AP3B1: variants seen among roughly 807,000 people sequenced by gnomAD.
The protein encoded by AP3B1 is adaptor related protein complex 3 subunit beta 1, also known as AP-3 complex subunit beta-1.
A neutral mutation model predicts 132.5 loss-of-function variants in AP3B1; 61 were observed. The observed-to-expected ratio is 0.46, with a 90% CI of 0.37 to 0.57. AP3B1 has a LOEUF of 0.57. Ranked by LOEUF, AP3B1 falls within the 20% of genes least tolerant of loss-of-function variation. The probability of loss-of-function intolerance (pLI) is 0.00; values close to 1 mark genes in which losing one functional copy is unlikely to be tolerated. For synonymous variants in AP3B1, 388 were observed against 438.3 expected (o/e 0.89, Z 1.43); for missense variants, 1,120 against 1,289.4 (o/e 0.87, Z 2.01).
rs989736183 is a variant in AP3B1, at chr5:78,181,628, T to C, written c.821A>G (p.Tyr274Cys). 12 of 1,612,272 alleles carry C rather than the reference T, an allele frequency of 7.4e-6. No individual in the cohort carries two copies. Among genetic ancestry groups the C allele is most frequent in the Admixed American group, 3.3e-5 (2 of 59,868 alleles). The change falls in exon 8 of 27, where the codon TAC becomes TGC. Residue 274 changes from tyrosine (Y) to cysteine (C), a missense_variant. Tyr to Cys is a radical substitution (Grantham distance 194). This residue lies in a region of AP3B1 where 906 missense variants were observed against 997.1 expected (regional missense o/e 0.91). Coordinates refer to ENST00000255194, the MANE Select transcript of AP3B1 (RefSeq NM_003664.5). ...TTCCTTCTGATCATCATCAGATTCG[T>C]AGAAATTCTTTCCATTGTCTTCTAA... is the stretch of plus-strand genomic sequence containing the variant. ...DELEDNGKNF[Y>C]ESDDDQKEKT... is the part of the protein sequence containing the mutation.
chr5:78,198,119 T>C (rs1206264804), intron 7 of AP3B1, among the ~76,000 whole-genome samples: 11 of 152,090 alleles, frequency 7.2e-5, no homozygotes, highest in Non-Finnish European at 1.5e-4. Flanking sequence ...GCATTTAGAG[T>C]AGTCACATAA....
At chr5:78,092,048 A>G (rs16875106) in intron 21 of AP3B1, among the ~76,000 whole-genome samples, 5,286 of 152,340 alleles carry the variant, frequency 0.035, 194 homozygotes, top group East Asian at 0.14. Flanking sequence ...TTGGATCATA[A>G]TATGTTGCCT....
chr5:78,130,628 T>A (rs1752645565), intron 15 of AP3B1, among the ~76,000 whole-genome samples: 1 of 152,072 alleles, frequency 6.6e-6, no homozygotes, highest in Non-Finnish European at 1.5e-5. Flanking sequence ...ATTCATTTTT[T>A]AAGACAATTT....
chr5:78,034,668 G>T (rs1402921243), intron 23 of AP3B1, among the ~76,000 whole-genome samples: 2 of 151,852 alleles, frequency 1.3e-5, no homozygotes, highest in African/African-American at 4.8e-5. Context: ...ATACACCAAT[G>T]AACACATTAT....
chr5:78,243,607 G>A (rs770572396), intron 2 of AP3B1, among the ~76,000 whole-genome samples: 9 of 152,280 alleles, frequency 5.9e-5, no homozygotes, highest in East Asian at 1.9e-4. Context: ...AAGTAGTATC[G>A]GGGGATGAGA....
In AP3B1 at chr5:78,120,430, G is replaced by C. The variant is rs969641571; in HGVS notation, c.1969-4196C>G. Among the ~76,000 whole-genome samples, 5 of 152,220 alleles carry C rather than the reference G, an allele frequency of 3.3e-5. No homozygotes were observed. The South Asian group carries it at 6.2e-4, about 19-fold the overall frequency. On this transcript the variant is annotated intron_variant, in intron 17 of 26. Coordinates refer to ENST00000255194, the MANE Select transcript of AP3B1 (RefSeq NM_003664.5). ...ATAAAGAGTCAAGACCCATCAGTGT[G>C]TTGTATTCAGGAAACCCATCTCACG...
chr5:78,279,000 C>T (rs1482616231), intron 1 of AP3B1, among the ~76,000 whole-genome samples: 2 of 151,696 alleles, frequency 1.3e-5, no homozygotes, highest in African/African-American at 4.9e-5. Context: ...GCTGGTTTGG[C>T]GATTGCTGGT....
At chr5:78,119,425 T>A (rs920043155) in intron 17 of AP3B1, among the ~76,000 whole-genome samples, 9 of 151,782 alleles carry the variant, frequency 5.9e-5, no homozygotes, top group African/African-American at 2.2e-4. Flanking sequence ...CAATGGCAAA[T>A]AAGTTAAAAA....
At chr5:78,011,748 C>T (rs1245255533) in intron 26 of AP3B1, among the ~76,000 whole-genome samples, 1 of 152,082 alleles carries the variant, frequency 6.6e-6, no homozygotes, top group African/African-American at 2.4e-5. Context: ...AATTCTTACA[C>T]TAAGTATTTC....
intron 26 of AP3B1, among the ~76,000 whole-genome samples, chr5:78,014,007 C>T (rs1475784462): frequency 6.6e-6 from 1 of 151,994 alleles, no homozygotes; most frequent in East Asian, 1.9e-4. Flanking sequence ...ACTAAAAATA[C>T]AAAAAATTAG....
rs552137213 is a variant in AP3B1, at chr5:78,291,962, CATA to C, written c.128+2487_128+2489del. 2.0e-5 allele frequency among the ~76,000 whole-genome samples: 3 copies of C among 152,146 alleles called. No homozygotes were observed. In the South Asian group the frequency reaches 6.2e-4, roughly 32 times the overall value. On this transcript the variant is annotated intron_variant, in intron 1 of 26. Transcript: ENST00000255194. ...ACTGAGTCTCCAATGGTTCAGAAGACATAATAACATGAATACGTATATGTGCCT... is the reference window on the plus strand; with the variant it reads ...ACTGAGTCTCCAATGGTTCAGAAGACATAACATGAATACGTATATGTGCCT...
At chr5:78,246,237 C>T (rs1387593546) in intron 2 of AP3B1, among the ~76,000 whole-genome samples, 1 of 152,158 alleles carries the variant, frequency 6.6e-6, no homozygotes, top group Non-Finnish European at 1.5e-5. Flanking sequence ...CCTTTGGTGG[C>T]CTCAGCCCCA....
intron 22 of AP3B1, among the ~76,000 whole-genome samples, chr5:78,079,515 C>A (rs754220274): frequency 1.3e-5 from 2 of 151,774 alleles, no homozygotes; most frequent in African/African-American, 4.8e-5. Flanking sequence ...TTACCACATA[C>A]GGTATATACA....
chr5:78,047,762 C>A (rs1748404778), intron 22 of AP3B1, among the ~76,000 whole-genome samples: 1 of 152,224 alleles, frequency 6.6e-6, no homozygotes, highest in African/African-American at 2.4e-5. Flanking sequence ...AATGATGCTA[C>A]TCTGGCTACT....
chr5:78,188,643 T>G (rs749147510), intron 7 of AP3B1, among the ~76,000 whole-genome samples: 8 of 152,156 alleles, frequency 5.3e-5, no homozygotes, highest in Non-Finnish European at 1.2e-4. Flanking sequence ...CATAAATTAG[T>G]ACAATCATTG....
intron 20 of AP3B1, among the ~76,000 whole-genome samples, chr5:78,101,667 T>A (rs1227274656): frequency 6.6e-6 from 1 of 152,032 alleles, no homozygotes; most frequent in Non-Finnish European, 1.5e-5. Context: ...AACTAGGGCT[T>A]CCCCCAGCAG....
intron 1 of AP3B1, among the ~76,000 whole-genome samples, chr5:78,289,178 G>A (rs148348900): frequency 2.6e-5 from 4 of 152,212 alleles, no homozygotes; most frequent in African/African-American, 9.6e-5. Flanking sequence ...ATGCCTTTCA[G>A]AAAGATACAA....
At chr5:78,181,786 G>A (rs2112414733) in intron 7 of AP3B1, 124 bp from the exon 8 acceptor site, 1 of 801,106 alleles carries the variant, frequency 1.2e-6, no homozygotes, top group East Asian at 2.6e-5. Context: ...ACTTCTGTTT[G>A]GGCAATTTAA....
chr5:78,114,465 A>G (rs181800194), intron 18 of AP3B1, among the ~76,000 whole-genome samples: 82 of 152,336 alleles, frequency 5.4e-4, no homozygotes, highest in African/African-American at 1.9e-3. Flanking sequence ...TATTCGAGCT[A>G]GTAAACGAGT....
Sources: allele counts gnomAD v4.1 joint callset (sites outside exome capture counted in the v4.1 genomes callset), GRCh38; gene constraint gnomAD v4.1.1; regional missense constraint gnomAD v4.1.1; transcripts MANE v1.5; gene names NCBI Gene and HGNC (gene_info 2026-07-23, HGNC 2026-07-21).